Variants in C10orf88 observed in about 807,000 individuals in gnomAD.
The protein encoded by C10orf88 is ATPase PAAT.
C10orf88 carries 29 observed loss-of-function variants against 34.2 expected under a neutral mutation model. The ratio of observed to expected loss-of-function variants is 0.85; its 90% CI spans 0.63 to 1.16. The LOEUF (loss-of-function observed/expected upper bound fraction) is 1.16, where lower values mean the gene tolerates loss of function less well. C10orf88 is among the 50% of genes most tolerant of loss of function. The pLI, the probability that C10orf88 is intolerant of heterozygous loss-of-function variation, is 0.00. For missense variants in C10orf88, 507 were observed against 533.2 expected (o/e 0.95, Z 0.48); for synonymous variants, 194 against 197.4 (o/e 0.98, Z 0.15).
intron 5 of C10orf88, among the ~76,000 whole-genome samples, chr10:122,934,490 A>G (rs1185753951): frequency 1.3e-5 from 2 of 152,156 alleles, no homozygotes; most frequent in Non-Finnish European, 2.9e-5. Context: ...AATGCCTTTG[A>G]GAGATGTCCA....
intron 4 of C10orf88, among the ~76,000 whole-genome samples, chr10:122,942,610 T>C (rs1329515140): frequency 1.5e-4 from 22 of 150,218 alleles, no homozygotes; most frequent in African/African-American, 4.9e-4. Context: ...GACATGATTG[T>C]ATATCTAGAA....
intron 4 of C10orf88, among the ~76,000 whole-genome samples, chr10:122,947,029 G>C (rs1848646868): frequency 6.6e-6 from 1 of 152,092 alleles, no homozygotes; most frequent in Non-Finnish European, 1.5e-5. Context: ...CAAGCAGTCA[G>C]GGGGCTTTGC....
At chr10:122,937,147 T>C (rs527369703) in intron 5 of C10orf88, among the ~76,000 whole-genome samples, 2 of 152,148 alleles carry the variant, frequency 1.3e-5, no homozygotes, top group East Asian at 3.9e-4. Context: ...TTTGACATAC[T>C]ATATCTACTT....
At chr10:122,936,152 T>C (rs183328436) in intron 5 of C10orf88, among the ~76,000 whole-genome samples, 125 of 152,076 alleles carry the variant, frequency 8.2e-4, no homozygotes, top group Non-Finnish European at 8.8e-5. Flanking sequence ...AGGACTATTT[T>C]ATTACTTATT....
intron 4 of C10orf88, among the ~76,000 whole-genome samples, chr10:122,940,667 A>G (rs1473191307): frequency 1.3e-5 from 2 of 152,040 alleles, no homozygotes; most frequent in Non-Finnish European, 2.9e-5. Flanking sequence ...TCTACATGCC[A>G]CTATAGGAAA....
At chr10:122,946,458 T>A (rs58517224) in intron 4 of C10orf88, among the ~76,000 whole-genome samples, 1 of 152,326 alleles carries the variant, frequency 6.6e-6, no homozygotes, top group East Asian at 1.9e-4. Flanking sequence ...GTAGGCTATA[T>A]GATCTAGGAT....
intron 4 of C10orf88, among the ~76,000 whole-genome samples, chr10:122,944,998 GTATA>G (rs10604015): frequency 6.8e-4 from 101 of 148,496 alleles, no homozygotes; most frequent in Non-Finnish European, 1.2e-3. Flanking sequence ...ATATATATGT[GTATA>G]TATATATATG....
intron 3 of C10orf88, 118 bp from the exon 4 acceptor site, chr10:122,948,973 A>C: frequency 3.2e-6 from 3 of 928,990 alleles, no homozygotes; most frequent in Non-Finnish European, 4.7e-6. Flanking sequence ...AATTAACTTC[A>C]AGTATATTTT....
chr10:122,937,609 A>T, intron 5 of C10orf88, 96 bp downstream of exon 5: 1 of 1,129,980 alleles, frequency 8.8e-7, no homozygotes, highest in South Asian at 1.6e-5. Context: ...TCTGGAAACA[A>T]ATTTTAGGCA....
rs1309491813 is a variant in C10orf88 at position 122,937,913 on chromosome 10, G to A, written c.895C>T (p.Gln299Ter). The stretch of plus-strand genomic sequence containing the variant: ...TCATTTTCAAGAAAGGAATGGTTTT[G>A]AGGCATAACTTTACACTCATCAAGC... ...TKLDECKVMP[Q>*]NHSFLENDLK... The change falls in exon 5 of 6, where the codon CAA (glutamine) becomes TAA (stop). Residue 299 changes from glutamine to a stop codon, truncating the protein, a stop_gained. Coordinates refer to ENST00000481909, the MANE Select transcript of C10orf88 (RefSeq NM_024942.4). LOFTEE classifies it high-confidence loss of function. 1.9e-6 allele frequency: 3 copies of A among 1,613,230 alleles called. No individual in the cohort carries two copies. Among genetic ancestry groups the A allele is most frequent in the African/African-American group, 1.3e-5 (1 of 74,874 alleles).
Position 122,948,757 on chromosome 10 carries a change from T to C in C10orf88, c.540A>G (p.Leu180=), listed in dbSNP as rs1293848702. ...FANSSTSSPA[L]GSRIDLDKVQ... ...CCTTGTCAAGGTCTATCCTTGATCC[T>C]AGAGCAGGAGAGCTTGTTGAAGAAT... Residue 180 remains leucine, a synonymous_variant, in exon 4 of 6, where the codon CTA becomes CTG. Coordinates refer to ENST00000481909, the MANE Select transcript of C10orf88 (RefSeq NM_024942.4). The C allele has an allele frequency of 6.2e-6, 10 of 1,613,880 alleles. 1 individual carries two copies. Among genetic ancestry groups the C allele is most frequent in the Middle Eastern group, 1.6e-4 (1 of 6,084 alleles).
Position 122,954,192 on chromosome 10 carries a change from G to A in C10orf88, c.-14C>T, listed in dbSNP as rs1021165994. ...CCGCGTCTCCATTCCGCCGCCTTCAGTCAGGCCAGCCCAGCCCCGGAACCT... is the reference window on the plus strand; with the variant it reads ...CCGCGTCTCCATTCCGCCGCCTTCAATCAGGCCAGCCCAGCCCCGGAACCT... On this transcript the variant is annotated 5_prime_UTR_variant, in exon 1 of 6. Transcript: ENST00000481909. The A allele has an allele frequency of 6.4e-7, 1 of 1,552,492 alleles. No individual in the cohort carries two copies. Among genetic ancestry groups the A allele is most frequent in the Admixed American group, 1.9e-5 (1 of 53,242 alleles).
In C10orf88 at chr10:122,931,503, A is replaced by C. The variant is rs935281124; in HGVS notation, c.*924T>G. ...AAAACAGTTCTACTAACTAAAGACA[A>C]GTAGTTCCCAGAGCAGGTGCATTTA... On this transcript the variant is annotated 3_prime_UTR_variant, in exon 6 of 6. Coordinates refer to ENST00000481909, the MANE Select transcript of C10orf88 (RefSeq NM_024942.4). 1 of 152,224 alleles carries C rather than the reference A, an allele frequency of 6.6e-6. No individual in the cohort carries two copies. Among genetic ancestry groups the C allele is most frequent in the African/African-American group, 2.4e-5 (1 of 41,452 alleles). The allele number at this position is 152,224 out of a possible 1,614,324, so 9.4% of individuals were successfully genotyped here.
intron 4 of C10orf88, among the ~76,000 whole-genome samples, chr10:122,945,939 A>T (rs1248796238): frequency 6.6e-6 from 1 of 152,074 alleles, no homozygotes; most frequent in East Asian, 1.9e-4. Context: ...TCTACTAAAA[A>T]TAAAAAAATT....
At chr10:122,936,321 G>A (rs1053099333) in intron 5 of C10orf88, among the ~76,000 whole-genome samples, 2 of 151,610 alleles carry the variant, frequency 1.3e-5, no homozygotes, top group Non-Finnish European at 3.0e-5. Flanking sequence ...ATTACATTCC[G>A]GATACTGATG....
At chr10:122,944,389 G>A (rs1056987450) in intron 4 of C10orf88, among the ~76,000 whole-genome samples, 1 of 108,540 alleles carries the variant, frequency 9.2e-6, no homozygotes, top group African/African-American at 3.6e-5. Flanking sequence ...GTGGGGGGAG[G>A]GGGGAGGGAT....
intron 4 of C10orf88, among the ~76,000 whole-genome samples, chr10:122,942,501 A>G (rs938523556): frequency 9.2e-5 from 14 of 152,060 alleles, no homozygotes; most frequent in Non-Finnish European, 1.8e-4. Context: ...CCTATTCAAC[A>G]TAGTGTTGGA....
chr10:122,951,850 G>A, intron 3 of C10orf88, 104 bp downstream of exon 3: 1 of 718,632 alleles, frequency 1.4e-6, no homozygotes. Context: ...AAAAAAGCAA[G>A]CAAGCAAGTT....
chr10:122,942,216 C>T (rs550735875), intron 4 of C10orf88, among the ~76,000 whole-genome samples: 1 of 152,100 alleles, frequency 6.6e-6, no homozygotes, highest in South Asian at 2.1e-4. Flanking sequence ...TAAAATCTTC[C>T]ATTAAAAGAG....
Sources: gnomAD v4.1 joint callset for allele counts (sites outside exome capture counted in the v4.1 genomes callset) on GRCh38, gnomAD v4.1.1 for gene constraint, MANE v1.5 for transcripts, NCBI Gene and HGNC (gene_info 2026-07-23, HGNC 2026-07-21) for gene names.